Variants in TTC31 observed in about 807,000 individuals in gnomAD.
TTC31 encodes the protein tetratricopeptide repeat protein 31.
TTC31 carries 59 observed loss-of-function variants against 60.4 expected under a neutral mutation model. The observed-to-expected ratio is 0.98, with a 90% CI of 0.79 to 1.21. TTC31 has a LOEUF of 1.21. Among genes scored for constraint, TTC31 ranks in the 50% most tolerant of loss-of-function variants. The pLI is 0.00. For synonymous variants in TTC31, 225 were observed against 249.6 expected (o/e 0.90, Z 0.93); for missense variants, 672 against 646.9 (o/e 1.04, Z -0.42).
In TTC31 at chr2:74,483,110, A is replaced by G. The variant is rs369017993; in HGVS notation, c.15A>G (p.Pro5=). Reference sequence around the variant, plus strand: ...CTGTAGATGCGATGGCGCCGATTCCAAAGACTGTGGGGCGGATCAAGCTAG... The same window carrying G: ...CTGTAGATGCGATGGCGCCGATTCCGAAGACTGTGGGGCGGATCAAGCTAG... MAPI[P]KTVGRIKLDC... Residue 5 remains proline (P), a synonymous_variant, in exon 1 of 13, where the codon CCA becomes CCG. Coordinates refer to ENST00000233623, the MANE Select transcript of TTC31 (RefSeq NM_022492.6). The G allele has an allele frequency of 2.4e-5, 38 of 1,614,074 alleles. No homozygotes were observed. The African/African-American group carries it at 4.5e-4, about 19-fold the overall frequency.
At chr2:74,491,024 A>AT in intron 5 of TTC31, 104 bp from the exon 6 acceptor site, 1 of 1,465,266 alleles carries the variant, frequency 6.8e-7, no homozygotes, top group Non-Finnish European at 9.5e-7. Flanking sequence ...GATAATAATG[A>AT]TGCCTGTCTC....
chr2:74,485,469 CTTTTT>C (rs367876253), intron 2 of TTC31, among the ~76,000 whole-genome samples: 2 of 115,296 alleles, frequency 1.7e-5, no homozygotes, highest in African/African-American at 2.9e-5. Context: ...AGCAGTATTT[CTTTTT>C]TTTTTTTTTT....
intron 2 of TTC31, among the ~76,000 whole-genome samples, chr2:74,485,731 A>G (rs1673030730): frequency 6.6e-6 from 1 of 151,872 alleles, no homozygotes; most frequent in Admixed American, 6.6e-5. Context: ...CAGCCTCCCA[A>G]AATGCTGGGA....
intron 2 of TTC31, among the ~76,000 whole-genome samples, chr2:74,488,591 A>G (rs72818083): frequency 0.019 from 2,855 of 152,342 alleles, 49 homozygotes; most frequent in Admixed American, 0.028. Context: ...CAAAGAAGTT[A>G]AATGACTTCT....
At chr2:74,490,205 C>T (rs374631898) in intron 3 of TTC31, 39 bp from the exon 4 acceptor site, 22 of 1,611,684 alleles carry the variant, frequency 1.4e-5, no homozygotes, top group Non-Finnish European at 1.8e-5. Context: ...ACCCCGCTCT[C>T]ATGTCCTTTC....
intron 2 of TTC31, among the ~76,000 whole-genome samples, chr2:74,485,370 G>A (rs1329366600): frequency 1.3e-5 from 2 of 151,176 alleles, no homozygotes; most frequent in Admixed American, 6.6e-5. Flanking sequence ...CCTCATTTCC[G>A]TTCCTGGTCT....
In TTC31 at chr2:74,483,691, T is replaced by C. The variant is rs2104059452; in HGVS notation, c.129+281T>C. The C allele has an allele frequency of 2.6e-6, 3 of 1,168,930 alleles. No individual in the cohort carries two copies. In the South Asian group the frequency reaches 5.0e-5, roughly 20 times the overall value. The allele number at this position is 1,168,930 out of a possible 1,614,324, so 72.4% of individuals were successfully genotyped here. On this transcript the variant is annotated intron_variant, in intron 2 of 12. Transcript: ENST00000233623. ...TGGGTACGAGTTCCTTGGGAAAAGA[T>C]GGAGGCCGGGCGCGGTGGCTTGTGC...
At chr2:74,490,570 T>C in intron 4 of TTC31, 86 bp from the exon 5 acceptor site, 2 of 1,543,054 alleles carry the variant, frequency 1.3e-6, no homozygotes, top group South Asian at 2.4e-5. Context: ...CCTTTCAAGA[T>C]CCTTCTATAC....
rs187681320 is a variant in TTC31 at position 74,486,880 on chromosome 2, C to T, written c.130-3145C>T. On this transcript the variant is annotated intron_variant, in intron 2 of 12. Transcript: ENST00000233623. The stretch of plus-strand genomic sequence containing the variant: ...TGCACTCCAGCCTGGGCAACAAGGG[C>T]GAAACTCCACCTCAAAAAAAAAAAA... Among the ~76,000 whole-genome samples the T allele has an allele frequency of 6.3e-4, 91 of 145,462 alleles. 1 individual carries two copies. The highest frequency in any genetic ancestry group is 2.1e-3 in the African/African-American group (83 of 38,942).
At position 74,491,540 on chromosome 2, in the gene TTC31, G is replaced by A. The variant is rs768986323; in HGVS notation, c.744G>A (p.Trp248Ter). The change falls in exon 8 of 13, where the codon TGG (tryptophan) becomes TGA (stop). Residue 248 changes from tryptophan (W) to a stop codon, truncating the protein, a stop_gained. Coordinates refer to ENST00000233623, the MANE Select transcript of TTC31 (RefSeq NM_022492.6). LOFTEE classifies it high-confidence loss of function. ...TGGCTTTGCGCAAGGTTGGGGATTGGCCCCTCAGTGCCCGCAGAGAGAAGG... is the reference window on the plus strand; with the variant it reads ...TGGCTTTGCGCAAGGTTGGGGATTGACCCCTCAGTGCCCGCAGAGAGAAGG... Reference protein sequence around the residue: ...VSLALRKVGDWPLSARREKGL... With the variant: ...VSLALRKVGD The A allele has an allele frequency of 1.9e-6, 3 of 1,613,918 alleles. No homozygotes were observed. The African/African-American group carries it at 4.0e-5, about 22-fold the overall frequency.
chr2:74,490,591 C>G, intron 4 of TTC31, 65 bp from the exon 5 acceptor site: 1 of 1,573,598 alleles, frequency 6.4e-7, no homozygotes, highest in Non-Finnish European at 8.7e-7. Context: ...TGCCTGCCCC[C>G]TTTCATGTTT....
chr2:74,490,221 T>C (rs1013730845), intron 3 of TTC31, 23 bp from the exon 4 acceptor site: 5 of 1,612,156 alleles, frequency 3.1e-6, no homozygotes, highest in Admixed American at 3.3e-5. Flanking sequence ...CTTTCTTTCC[T>C]GTCTCTTTCT....
chr2:74,485,333 A>G (rs1356860991), intron 2 of TTC31, among the ~76,000 whole-genome samples: 1 of 150,998 alleles, frequency 6.6e-6, no homozygotes, highest in Non-Finnish European at 1.5e-5. Flanking sequence ...ACTAAAATCT[A>G]CTTCTAAATG....
chr2:74,483,248 G>T, intron 1 of TTC31, 74 bp from the exon 2 acceptor site: 3 of 1,613,016 alleles, frequency 1.9e-6, no homozygotes, highest in South Asian at 2.2e-5. Context: ...GCGGAGAGTC[G>T]AGGGTAGAGT....
chr2:74,493,432 T>A lies in TTC31; in HGVS notation c.*214T>A, dbSNP rs1674171298. 2 of 554,862 alleles carry A rather than the reference T, an allele frequency of 3.6e-6. No individual in the cohort carries two copies. The highest frequency in any genetic ancestry group is 5.8e-5 in the South Asian group (2 of 34,638). 34.4% of individuals were successfully genotyped at this position (554,862 alleles called of 1,614,324 possible). A position where few individuals can be genotyped will look rare whatever the true frequency, so the allele number is the denominator to read the frequency against. ...CATCCTTTGGTTCTCAAGCTTCTTC[T>A]GGAGGCAGTAAGGAAAAATAAAACC... On this transcript the variant is annotated 3_prime_UTR_variant, in exon 13 of 13. Coordinates refer to ENST00000233623, the MANE Select transcript of TTC31 (RefSeq NM_022492.6).
chr2:74,489,508 G>T (rs1404318170), intron 2 of TTC31, among the ~76,000 whole-genome samples: 6 of 152,386 alleles, frequency 3.9e-5, no homozygotes, highest in African/African-American at 1.2e-4. Context: ...GGCCTTGGCA[G>T]TGGGGGATTA....
intron 2 of TTC31, among the ~76,000 whole-genome samples, chr2:74,488,796 G>A (rs1052444699): frequency 2.0e-5 from 3 of 152,140 alleles, no homozygotes; most frequent in African/African-American, 4.8e-5. Flanking sequence ...CGGGCACAGG[G>A]GCTCACACCT....
At chr2:74,483,940 TAA>T (rs558892375) in intron 2 of TTC31, among the ~76,000 whole-genome samples, 3 of 132,086 alleles carry the variant, frequency 2.3e-5, no homozygotes, top group Admixed American at 7.7e-5. Flanking sequence ...AGACTCTGTC[TAA>T]AAAAAAAAAA....
intron 2 of TTC31, among the ~76,000 whole-genome samples, chr2:74,487,510 AC>A (rs1673269322): frequency 6.6e-6 from 1 of 151,308 alleles, no homozygotes; most frequent in South Asian, 2.1e-4. Context: ...GAGCCACTGC[AC>A]CCGGCTTTTT....
Sources: allele counts gnomAD v4.1 joint callset (sites outside exome capture counted in the v4.1 genomes callset), GRCh38; gene constraint gnomAD v4.1.1; transcripts MANE v1.5; gene names NCBI Gene and HGNC (gene_info 2026-07-23, HGNC 2026-07-21).